The following ALPL variants were observed in gnomAD, a reference collection of about 807,000 sequenced individuals.
ALPL encodes the protein alkaline phosphatase, tissue-nonspecific isozyme.
A neutral mutation model predicts 51.3 loss-of-function variants in ALPL; 42 were observed. That is an observed-to-expected ratio of 0.82 (90% confidence interval 0.64 to 1.06). The LOEUF is 1.06. Among genes scored for constraint, ALPL ranks in the 50% least tolerant of loss-of-function variants. The probability of loss-of-function intolerance (pLI) is 0.00; values close to 1 mark genes in which losing one functional copy is unlikely to be tolerated. For missense variants in ALPL, 589 were observed against 709.4 expected, an observed-to-expected ratio of 0.83 and a Z score of 1.93; for synonymous variants, 279 against 296.4, an observed-to-expected ratio of 0.94 and a Z score of 0.60.
intron 1 of ALPL, among the ~76,000 whole-genome samples, chr1:21,529,383 T>C (rs1643998550): frequency 6.6e-6 from 1 of 151,826 alleles, no homozygotes; most frequent in African/African-American, 2.4e-5. Flanking sequence ...GCCTCCCAAA[T>C]AGCAGGGACC....
chr1:21,550,739 C>T (rs1307948354), intron 1 of ALPL, among the ~76,000 whole-genome samples: 1 of 152,138 alleles, frequency 6.6e-6, no homozygotes, highest in East Asian at 1.9e-4. Flanking sequence ...TGTCTCCCAA[C>T]GCCCTGGGTT....
chr1:21,512,669 T>C (rs575590270), intron 1 of ALPL, among the ~76,000 whole-genome samples: 56 of 152,246 alleles, frequency 3.7e-4, no homozygotes, highest in African/African-American at 1.2e-3. Context: ...CATCAAGATA[T>C]GATGCTCAGT....
At position 21,541,478 on chromosome 1, in the gene ALPL, C is replaced by G. The variant is rs200229946; in HGVS notation, c.-104-12500C>G. Among the ~76,000 whole-genome samples the G allele has an allele frequency of 2.4e-4, 36 of 152,342 alleles. 1 individual carries two copies. In the East Asian group the frequency reaches 6.9e-3, roughly 29 times the overall value. On this transcript the variant is annotated intron_variant, in intron 1 of 11. Coordinates refer to ENST00000374840, the MANE Select transcript of ALPL (RefSeq NM_000478.6). ...TCTCTTCAGCCACCCACCCTCTGAC[C>G]CCATCATCCTTCCACCTAGCGACAT...
intron 5 of ALPL, among the ~76,000 whole-genome samples, chr1:21,563,662 C>T (rs539405427): frequency 1.3e-5 from 2 of 152,292 alleles, no homozygotes; most frequent in African/African-American, 4.8e-5. Context: ...CAGCCTGTGC[C>T]CCCAGAAGCT....
At chr1:21,522,037 A>G (rs1355969977) in intron 1 of ALPL, among the ~76,000 whole-genome samples, 1 of 151,564 alleles carries the variant, frequency 6.6e-6, no homozygotes, top group Non-Finnish European at 1.5e-5. Context: ...CGACTCCGTG[A>G]GAGGTACTCA....
At chr1:21,509,353 G>T (rs1414636661), upstream of ALPL, 3 of 148,720 alleles carry the variant, frequency 2.0e-5, no homozygotes, top group Non-Finnish European at 3.0e-5. This position sits in a 1 kb window ranked among gnomAD's most constrained non-coding sequence, Gnocchi z 6.0. Context: ...GGCGGGGGAG[G>T]GGGCGGGCTG....
intron 10 of ALPL, among the ~76,000 whole-genome samples, 192 bp from the exon 11 acceptor site, chr1:21,576,330 A>C (rs1411751287): frequency 1.3e-5 from 2 of 150,230 alleles, no homozygotes; most frequent in Non-Finnish European, 3.0e-5. Context: ...TGGGAGGGAC[A>C]TGGGTACAAT....
chr1:21,547,028 G>A (rs1230502991), intron 1 of ALPL, among the ~76,000 whole-genome samples: 1 of 152,252 alleles, frequency 6.6e-6, no homozygotes, highest in Non-Finnish European at 1.5e-5. Context: ...CTAGCATACA[G>A]TAGGTGCTTT....
At chr1:21,555,871 C>T (rs936735428) in intron 2 of ALPL, among the ~76,000 whole-genome samples, 5 of 151,478 alleles carry the variant, frequency 3.3e-5, no homozygotes, top group African/African-American at 7.3e-5. Context: ...CCCGGGTTCA[C>T]GCCATTCTCC....
In ALPL at chr1:21,509,591, C is replaced by T. The variant is rs1017597634; in HGVS notation, c.-105+74C>T. 1 of 152,382 alleles carries T rather than the reference C, an allele frequency of 6.6e-6. No homozygotes were observed. The highest frequency in any genetic ancestry group is 2.4e-5 in the African/African-American group (1 of 41,440). The allele number at this position is 152,382 out of a possible 1,614,324, so 9.4% of individuals were successfully genotyped here. A position where few individuals can be genotyped will look rare whatever the true frequency, so the allele number is the denominator to read the frequency against. On this transcript the variant is annotated intron_variant, in intron 1 of 11. Transcript: ENST00000374840. This position sits in a 1 kb window ranked among gnomAD's most constrained non-coding sequence, Gnocchi z 6.0. Reference sequence around the variant, plus strand: ...GACGTGGTCCATCCCCTTCTGCATCCTCCGCTGGCCCCGTGGTTGAACTTT... The same window carrying T: ...GACGTGGTCCATCCCCTTCTGCATCTTCCGCTGGCCCCGTGGTTGAACTTT...
chr1:21,577,661 C>A lies in ALPL; in HGVS notation c.*13C>A. On this transcript the variant is annotated 3_prime_UTR_variant, in exon 12 of 12. Transcript: ENST00000374840. ...CGTCCTGTTCTGAGGGCCCAGGGCC[C>A]GGGCACCCACAAGCCCGTGACAGAT... is the stretch of plus-strand genomic sequence containing the variant. 1 of 1,593,152 alleles carries A rather than the reference C, an allele frequency of 6.3e-7. No individual in the cohort carries two copies.
At chr1:21,533,837 C>T (rs186635508) in intron 1 of ALPL, among the ~76,000 whole-genome samples, 193 of 151,800 alleles carry the variant, frequency 1.3e-3, no homozygotes, top group Non-Finnish European at 2.2e-3. Context: ...GCAGGAGAAT[C>T]GCCTGAACCT....
At chr1:21,551,361 G>C (rs1176512197) in intron 1 of ALPL, 1 of 152,224 alleles carries the variant, frequency 6.6e-6, no homozygotes. Context: ...GATGTTTGAG[G>C]TGGCATGAAG....
intron 1 of ALPL, among the ~76,000 whole-genome samples, chr1:21,549,191 T>C (rs1644289033): frequency 6.6e-6 from 1 of 151,452 alleles, no homozygotes; most frequent in Non-Finnish European, 1.5e-5. Flanking sequence ...TGAGGGCTTC[T>C]GTCACATCGT....
chr1:21,542,230 G>GC (rs147771110), intron 1 of ALPL, among the ~76,000 whole-genome samples: 2,290 of 152,224 alleles, frequency 0.015, 29 homozygotes, highest in Middle Eastern at 0.027. Context: ...CTATGCAGGT[G>GC]CCCCCCAGCC....
intron 4 of ALPL, among the ~76,000 whole-genome samples, chr1:21,562,723 C>A (rs1351717190): frequency 6.6e-6 from 1 of 150,924 alleles, no homozygotes; most frequent in South Asian, 2.1e-4. Flanking sequence ...ATCCCCAGAC[C>A]CCCCACTCCT....
In ALPL at chr1:21,570,405, T is replaced by C. The variant is rs767527267; in HGVS notation, c.862+31T>C. 6 of 1,609,358 alleles carry C rather than the reference T, an allele frequency of 3.7e-6. No individual in the cohort carries two copies. In the Admixed American group the frequency reaches 5.0e-5, roughly 13 times the overall value. On this transcript the variant is annotated intron_variant, in intron 8 of 11. Transcript: ENST00000374840. ...TGGAGGGGGTGGAGGGGAGGATGCA[T>C]GGCTCGGAGCCTGGTGGCCGGAGCT...
At chr1:21,561,653 G>A (rs113647926) in intron 4 of ALPL, among the ~76,000 whole-genome samples, 2,088 of 146,334 alleles carry the variant, frequency 0.014, 27 homozygotes, top group African/African-American at 0.03. Flanking sequence ...CACCATGCAC[G>A]GCCTATATAT....
At chr1:21,514,230 G>A (rs928103991) in intron 1 of ALPL, among the ~76,000 whole-genome samples, 8 of 152,264 alleles carry the variant, frequency 5.3e-5, no homozygotes, top group East Asian at 1.9e-4. Flanking sequence ...AAGGCTCAGC[G>A]AGTTGAGCCC....
Sources: allele counts gnomAD v4.1 joint callset (sites outside exome capture counted in the v4.1 genomes callset), GRCh38; gene constraint gnomAD v4.1.1; non-coding constraint Gnocchi (gnomAD v3.1); transcripts MANE v1.5; gene names NCBI Gene and HGNC (gene_info 2026-07-23, HGNC 2026-07-21).